UBE2U: variants seen among roughly 807,000 people sequenced by gnomAD.
UBE2U encodes the protein ubiquitin-conjugating enzyme E2 U.
In UBE2U, 39 loss-of-function variants were observed where a neutral mutation model predicts 41.2. The ratio of observed to expected loss-of-function variants is 0.95; its 90% CI spans 0.73 to 1.24. The LOEUF is 1.24. Ranked by LOEUF, UBE2U falls within the 50% of genes most tolerant of loss-of-function variation. UBE2U has a pLI of 0.00. For missense variants in UBE2U, 336 were observed against 363.1 expected (o/e 0.93, Z 0.61); for synonymous variants, 107 against 117.8 (o/e 0.91, Z 0.60).
At chr1:64,205,821 C>G (rs1219825169) in intron 2 of UBE2U, 101 bp downstream of exon 2, 11 of 865,570 alleles carry the variant, frequency 1.3e-5, no homozygotes, top group Non-Finnish European at 1.9e-5. Context: ...TATAAATTTC[C>G]TGAAATTCTT....
At chr1:64,253,041 C>A (rs186015023) in intron 8 of UBE2U, among the ~76,000 whole-genome samples, 55 of 152,210 alleles carry the variant, frequency 3.6e-4, no homozygotes, top group Admixed American at 3.5e-3. Flanking sequence ...AGATGATAAC[C>A]AGAATATCCA....
chr1:64,215,540 T>C (rs1651947198), intron 5 of UBE2U: 1 of 152,256 alleles, frequency 6.6e-6, no homozygotes, highest in Non-Finnish European at 1.5e-5. Flanking sequence ...GACATCTAAT[T>C]TTGACTCTTC....
At chr1:64,254,161 G>A (rs971107624) in intron 8 of UBE2U, among the ~76,000 whole-genome samples, 6 of 152,142 alleles carry the variant, frequency 3.9e-5, no homozygotes, top group African/African-American at 1.2e-4. Context: ...AAAAGACAAA[G>A]AAGGGCATTA....
intron 6 of UBE2U, among the ~76,000 whole-genome samples, chr1:64,227,658 G>A (rs959265197): frequency 1.3e-5 from 2 of 151,930 alleles, no homozygotes; most frequent in South Asian, 4.1e-4. Flanking sequence ...AAAATTAGCC[G>A]GGCATGGGTG....
chr1:64,206,428 A>G (rs934066194), intron 2 of UBE2U, among the ~76,000 whole-genome samples: 1 of 151,804 alleles, frequency 6.6e-6, no homozygotes, highest in Non-Finnish European at 1.5e-5. Flanking sequence ...GGCAGAGTAA[A>G]CAGCACAGCA....
At chr1:64,235,333 C>A (rs542945848) in intron 7 of UBE2U, among the ~76,000 whole-genome samples, 1 of 152,310 alleles carries the variant, frequency 6.6e-6, no homozygotes, top group East Asian at 1.9e-4. Flanking sequence ...CCTGCCTCTT[C>A]TTCTTCTAGG....
intron 7 of UBE2U, among the ~76,000 whole-genome samples, chr1:64,234,279 T>C (rs1055377109): frequency 6.6e-6 from 1 of 152,202 alleles, no homozygotes; most frequent in African/African-American, 2.4e-5. Flanking sequence ...TCTTGGTTAG[T>C]GGTAGATCAC....
chr1:64,245,009 G>A (rs1644896699), intron 8 of UBE2U, among the ~76,000 whole-genome samples: 1 of 152,180 alleles, frequency 6.6e-6, no homozygotes, highest in South Asian at 2.1e-4. Context: ...TATTTTGGGA[G>A]TTCTAAGGTG....
chr1:64,234,030 CCT>C (rs1182303706), intron 7 of UBE2U, among the ~76,000 whole-genome samples: 1 of 152,214 alleles, frequency 6.6e-6, no homozygotes, highest in African/African-American at 2.4e-5. Context: ...TTCATTCAGT[CCT>C]CTCTACTTAC....
At chr1:64,247,080 G>T (rs1425184297) in intron 8 of UBE2U, among the ~76,000 whole-genome samples, 1 of 99,728 alleles carries the variant, frequency 1.0e-5, no homozygotes, top group Non-Finnish European at 2.3e-5. Context: ...TGCCCTTGAA[G>T]TCTCAGAAGA....
chr1:64,258,001 A>G (rs1277392258), intron 8 of UBE2U, among the ~76,000 whole-genome samples: 2 of 152,210 alleles, frequency 1.3e-5, no homozygotes, highest in Admixed American at 1.3e-4. Context: ...TATAGCCAAC[A>G]TCATATATAA....
At chr1:64,220,769 C>A in intron 5 of UBE2U, 90 bp from the exon 6 acceptor site, 1 of 955,458 alleles carries the variant, frequency 1.0e-6, no homozygotes, top group Non-Finnish European at 1.6e-6. Flanking sequence ...CCTTTATTAC[C>A]ATTTTATTGA....
chr1:64,206,909 G>C (rs1651332668), intron 3 of UBE2U, 53 bp downstream of exon 3: 1 of 1,015,826 alleles, frequency 9.8e-7, no homozygotes, highest in African/African-American at 1.7e-5. Flanking sequence ...TATTATCCTT[G>C]TTTCTTATAA....
chr1:64,205,472 C>T (rs114888770), intron 1 of UBE2U, among the ~76,000 whole-genome samples, 167 bp from the exon 2 acceptor site: 1,901 of 152,006 alleles, frequency 0.013, 50 homozygotes, highest in African/African-American at 0.044. Flanking sequence ...TATTAACTTC[C>T]GTGAAATAAG....
chr1:64,259,483 T>C (rs990708708), intron 8 of UBE2U, among the ~76,000 whole-genome samples: 2 of 152,168 alleles, frequency 1.3e-5, no homozygotes, highest in African/African-American at 2.4e-5. Flanking sequence ...TTAATTCATC[T>C]TGAATTAATT....
At chr1:64,222,389 C>T (rs1158767948) in intron 6 of UBE2U, among the ~76,000 whole-genome samples, 5 of 152,130 alleles carry the variant, frequency 3.3e-5, no homozygotes, top group African/African-American at 1.2e-4. Flanking sequence ...ATACAGTGCC[C>T]GTGTTTACTA....
intron 6 of UBE2U, among the ~76,000 whole-genome samples, chr1:64,228,762 T>C (rs2100370645): frequency 7.0e-6 from 1 of 141,954 alleles, no homozygotes; most frequent in South Asian, 2.4e-4. Context: ...TAATCTCAGC[T>C]CACTGCAACC....
chr1:64,226,680 G>T (rs886497157), intron 6 of UBE2U, among the ~76,000 whole-genome samples: 5 of 149,774 alleles, frequency 3.3e-5, no homozygotes, highest in African/African-American at 1.2e-4. Context: ...AGAAGAAAAA[G>T]ATATTCAATT....
chr1:64,241,861 A>G (rs1644840499), intron 8 of UBE2U, 128 bp downstream of exon 8: 1 of 609,504 alleles, frequency 1.6e-6, no homozygotes, highest in Admixed American at 3.5e-5. Context: ...TTTTCTCAGT[A>G]TAAGAACAAG....
Sources: gnomAD v4.1 joint callset for allele counts (sites outside exome capture counted in the v4.1 genomes callset) on GRCh38, gnomAD v4.1.1 for gene constraint, MANE v1.5 for transcripts, NCBI Gene and HGNC (gene_info 2026-07-23, HGNC 2026-07-21) for gene names.